The following PLPPR1 variants were observed in gnomAD, a reference collection of about 807,000 sequenced individuals.
PLPPR1 encodes the protein phospholipid phosphatase related 1, also known as phospholipid phosphatase-related protein type 1.
Under a neutral mutation model 33.1 loss-of-function variants are expected in PLPPR1, and 10 were observed. The observed-to-expected ratio is 0.30, with a 90% CI of 0.19 to 0.51. PLPPR1 has a LOEUF of 0.51. PLPPR1 is among the 20% of genes least tolerant of loss of function. PLPPR1 has a pLI of 0.97. For missense variants in PLPPR1, 304 were observed against 408.1 expected (o/e 0.74, Z 2.20); for synonymous variants, 151 against 151.0 (o/e 1.00, Z 0.00).
intron 7 of PLPPR1, among the ~76,000 whole-genome samples, chr9:101,318,663 A>C (rs1829098782): frequency 6.6e-6 from 1 of 151,944 alleles, no homozygotes; most frequent in African/African-American, 2.4e-5. Context: ...AGTCCCAGCT[A>C]CTCCAGAGGC....
intron 1 of PLPPR1, among the ~76,000 whole-genome samples, chr9:101,139,217 G>A (rs1194007047): frequency 6.6e-6 from 1 of 152,118 alleles, no homozygotes; most frequent in African/African-American, 2.4e-5. Context: ...ACAGAACTGT[G>A]TTCACCACCA....
chr9:101,289,474 G>T (rs1828453472), intron 4 of PLPPR1, among the ~76,000 whole-genome samples: 1 of 152,146 alleles, frequency 6.6e-6, no homozygotes. Context: ...GAGTTGATAT[G>T]GTTTGGCTTT....
intron 3 of PLPPR1, among the ~76,000 whole-genome samples, chr9:101,277,279 T>C (rs543112136): frequency 6.6e-6 from 1 of 152,334 alleles, no homozygotes; most frequent in South Asian, 2.1e-4. Context: ...AACTCTCTCC[T>C]CTTCCTCAGA....
intron 1 of PLPPR1, among the ~76,000 whole-genome samples, chr9:101,159,034 TA>T (rs945140489): frequency 2.0e-5 from 3 of 152,226 alleles, no homozygotes; most frequent in African/African-American, 7.2e-5. Context: ...CAAACATGTT[TA>T]ATTAGAAATC....
chr9:101,235,666 A>C (rs1341414920), intron 2 of PLPPR1, among the ~76,000 whole-genome samples: 1 of 151,812 alleles, frequency 6.6e-6, no homozygotes, highest in Non-Finnish European at 1.5e-5. Context: ...TCTTGGGTCT[A>C]GCTCTTCTGC....
chr9:101,129,855 GA>G (rs1831294086), intron 1 of PLPPR1, among the ~76,000 whole-genome samples: 2 of 151,796 alleles, frequency 1.3e-5, no homozygotes, highest in Admixed American at 6.6e-5. Context: ...AAATAAAAGG[GA>G]AAAAAATTCA....
At chr9:101,298,002 T>C (rs1270344689) in intron 4 of PLPPR1, among the ~76,000 whole-genome samples, 2 of 152,212 alleles carry the variant, frequency 1.3e-5, no homozygotes, top group Admixed American at 6.5e-5. Flanking sequence ...TTTTTGTAAA[T>C]ATAAATTATT....
At chr9:101,303,716 G>A (rs537985348) in intron 4 of PLPPR1, among the ~76,000 whole-genome samples, 33 of 152,312 alleles carry the variant, frequency 2.2e-4, no homozygotes, top group Non-Finnish European at 4.3e-4. Context: ...TAGATGCAGA[G>A]TACTGTTGGC....
intron 2 of PLPPR1, among the ~76,000 whole-genome samples, chr9:101,237,051 C>A (rs1827315620): frequency 6.6e-6 from 1 of 151,634 alleles, no homozygotes; most frequent in African/African-American, 2.4e-5. Flanking sequence ...ACAAGTGTAT[C>A]TTTAAATGTG....
chr9:101,048,300 T>A (rs1203044809), intron 1 of PLPPR1, among the ~76,000 whole-genome samples: 3 of 152,170 alleles, frequency 2.0e-5, no homozygotes, highest in Non-Finnish European at 2.9e-5. Context: ...ACCGAGTTTA[T>A]AATTTCACTG....
At chr9:101,181,293 TA>T (rs960925899) in intron 1 of PLPPR1, among the ~76,000 whole-genome samples, 1 of 150,288 alleles carries the variant, frequency 6.7e-6, no homozygotes, top group African/African-American at 2.4e-5. Flanking sequence ...ATGGCTATTA[TA>T]AAAAAGATGA....
intron 2 of PLPPR1, among the ~76,000 whole-genome samples, chr9:101,203,044 C>A (rs1826520991): frequency 6.6e-6 from 1 of 152,112 alleles, no homozygotes; most frequent in African/African-American, 2.4e-5. Context: ...TCAAATAATC[C>A]CAAGACCTCA....
intron 1 of PLPPR1, among the ~76,000 whole-genome samples, chr9:101,094,365 G>A (rs891334320): frequency 8.6e-5 from 13 of 151,942 alleles, no homozygotes; most frequent in African/African-American, 3.1e-4. Flanking sequence ...GTGTTCTTTT[G>A]CAACATCCTA....
At chr9:101,098,600 A>G (rs1564144064) in intron 1 of PLPPR1, among the ~76,000 whole-genome samples, 1 of 152,138 alleles carries the variant, frequency 6.6e-6, no homozygotes, top group South Asian at 2.1e-4. Context: ...TGGTGGGTAA[A>G]AGAAGAGAAA....
At chr9:101,175,229 AT>A (rs1826000618) in intron 1 of PLPPR1, among the ~76,000 whole-genome samples, 1 of 152,174 alleles carries the variant, frequency 6.6e-6, no homozygotes, top group Non-Finnish European at 1.5e-5. Flanking sequence ...ACTTATGTTT[AT>A]TCCAACTAGG....
At chr9:101,317,896 G>T (rs1159487237) in intron 7 of PLPPR1, among the ~76,000 whole-genome samples, 1 of 152,200 alleles carries the variant, frequency 6.6e-6, no homozygotes, top group Non-Finnish European at 1.5e-5. Context: ...CATTTTAAAA[G>T]GCTACTAAAT....
At chr9:101,217,398 G>T (rs775003316) in intron 2 of PLPPR1, among the ~76,000 whole-genome samples, 1 of 152,196 alleles carries the variant, frequency 6.6e-6, no homozygotes, top group Non-Finnish European at 1.5e-5. Flanking sequence ...AATTATAAAT[G>T]TTTTAGGCCT....
chr9:101,120,746 CA>C (rs11292028), intron 1 of PLPPR1, among the ~76,000 whole-genome samples: 71,233 of 152,020 alleles, frequency 0.47, 17,153 homozygotes, highest in Non-Finnish European at 0.53. Flanking sequence ...CCACACATCC[CA>C]AATGGCTTAA....
intron 1 of PLPPR1, 146 bp from the exon 2 acceptor site, chr9:101,185,304 T>G: frequency 2.1e-6 from 1 of 465,540 alleles, no homozygotes; most frequent in Non-Finnish European, 3.8e-6. Context: ...TAGTCTGACT[T>G]GACTGTGTTG....
Sources: allele counts gnomAD v4.1 joint callset (sites outside exome capture counted in the v4.1 genomes callset), GRCh38; gene constraint gnomAD v4.1.1; transcripts MANE v1.5; gene names NCBI Gene and HGNC (gene_info 2026-07-23, HGNC 2026-07-21).